CMSS1: variants seen among roughly 807,000 people sequenced by gnomAD.
The protein encoded by CMSS1 is cms1 ribosomal small subunit homolog.
CMSS1 carries 33 observed loss-of-function variants against 43.5 expected under a neutral mutation model. The ratio of observed to expected loss-of-function variants is 0.76; its 90% CI spans 0.57 to 1.01. The LOEUF (loss-of-function observed/expected upper bound fraction) is 1.01. CMSS1 is among the 50% of genes least tolerant of loss of function. The pLI is 0.00. For synonymous variants in CMSS1, 115 were observed against 117.2 expected (o/e 0.98, Z 0.12); for missense variants, 313 against 326.4 (o/e 0.96, Z 0.32).
Position 100,159,819 on chromosome 3 carries a change from G to A in CMSS1, c.154-611G>A, listed in dbSNP as rs2067007382. 8.8e-6 allele frequency: 4 copies of A among 453,294 alleles called. No homozygotes were observed. The Admixed American group carries it at 9.5e-5, about 11-fold the overall frequency. The allele number at this position is 453,294 out of a possible 1,614,324, so 28.1% of individuals were successfully genotyped here. A position where few individuals can be genotyped will look rare whatever the true frequency, so the allele number is the denominator to read the frequency against. Reference sequence around the variant, plus strand: ...GCAACAGGCAAAACAGATTACTCTAGATACTGTGGTGCTGAGACGGTTATC... The same window carrying A: ...GCAACAGGCAAAACAGATTACTCTAAATACTGTGGTGCTGAGACGGTTATC... On this transcript the variant is annotated intron_variant, in intron 2 of 9. Coordinates refer to ENST00000421999, the MANE Select transcript of CMSS1 (RefSeq NM_032359.4).
intron 1 of CMSS1, among the ~76,000 whole-genome samples, chr3:100,136,736 C>T (rs959669066): frequency 2.6e-5 from 4 of 152,276 alleles, no homozygotes; most frequent in Non-Finnish European, 4.4e-5. Context: ...TGAGAACAGG[C>T]ATTCTGAATA....
At chr3:99,824,068 G>T (rs937673962) in intron 1 of CMSS1, among the ~76,000 whole-genome samples, 1 of 151,840 alleles carries the variant, frequency 6.6e-6, no homozygotes, top group South Asian at 2.1e-4. Flanking sequence ...GATTACAGGC[G>T]CCTGCCACCA....
In CMSS1 at chr3:100,074,965, AT is replaced by A. The variant is rs2065826974; in HGVS notation, c.65-72006del. The stretch of plus-strand genomic sequence containing the variant: ...AGCCTTATCCTCCCAAAGTGCTGGG[AT>A]TACAGGCATGAGCCAACATGCCCGG... On this transcript the variant is annotated intron_variant, in intron 1 of 9. Coordinates refer to ENST00000421999, the MANE Select transcript of CMSS1 (RefSeq NM_032359.4). Among the ~76,000 whole-genome samples the A allele has an allele frequency of 7.2e-5, 11 of 152,084 alleles. 1 individual carries two copies. Among genetic ancestry groups the A allele is most frequent in the Admixed American group, 7.2e-4 (11 of 15,270 alleles).
intron 1 of CMSS1, among the ~76,000 whole-genome samples, chr3:100,006,941 G>GT (rs1254602095): frequency 1.3e-5 from 2 of 152,290 alleles, no homozygotes; most frequent in East Asian, 3.9e-4. Flanking sequence ...TTTAAAAAGT[G>GT]TTTTTGTTTG....
chr3:100,071,899 G>A (rs979749847), intron 1 of CMSS1, among the ~76,000 whole-genome samples: 1 of 152,132 alleles, frequency 6.6e-6, no homozygotes, highest in African/African-American at 2.4e-5. Context: ...TGTCTTCAGG[G>A]GGACTTTGCC....
At chr3:100,144,094 G>A (rs2066827101) in intron 1 of CMSS1, among the ~76,000 whole-genome samples, 2 of 152,102 alleles carry the variant, frequency 1.3e-5, no homozygotes, top group Admixed American at 6.5e-5. Context: ...GTTTAAATCT[G>A]TGTATACGTT....
intron 1 of CMSS1, among the ~76,000 whole-genome samples, chr3:100,080,022 A>G (rs1435593950): frequency 1.3e-5 from 2 of 152,230 alleles, no homozygotes; most frequent in African/African-American, 4.8e-5. Flanking sequence ...TCACCATATG[A>G]GAAATTAAAT....
At chr3:100,095,471 T>C (rs1193035034) in intron 1 of CMSS1, among the ~76,000 whole-genome samples, 2 of 152,072 alleles carry the variant, frequency 1.3e-5, no homozygotes, top group African/African-American at 4.8e-5. Context: ...AACAATATAC[T>C]ACAGTGAACT....
Position 100,179,228 on chromosome 3 carries a change from C to T in CMSS1, c.*840C>T, listed in dbSNP as rs1233144387. 1 of 152,150 alleles carries T rather than the reference C, an allele frequency of 6.6e-6. No homozygotes were observed. Among genetic ancestry groups the T allele is most frequent in the Non-Finnish European group, 1.5e-5 (1 of 68,036 alleles). The allele number at this position is 152,150 out of a possible 1,614,324, so 9.4% of individuals were successfully genotyped here. On this transcript the variant is annotated 3_prime_UTR_variant, in exon 10 of 10. Transcript: ENST00000421999. ...ACACAGAGCCAAACCATGTCAATTC[C>T]ACCCCGGCCTCTTCCAAATTTCATG...
intron 1 of CMSS1, among the ~76,000 whole-genome samples, chr3:99,906,519 T>C (rs1706623491): frequency 6.6e-6 from 1 of 152,256 alleles, no homozygotes; most frequent in African/African-American, 2.4e-5. Flanking sequence ...ACATAACTTA[T>C]TTATTTCAAT....
intron 4 of CMSS1, among the ~76,000 whole-genome samples, chr3:100,164,786 T>G (rs1347386493): frequency 6.6e-6 from 1 of 152,202 alleles, no homozygotes; most frequent in African/African-American, 2.4e-5. Flanking sequence ...ATAAGGTAGA[T>G]ATAAATAATA....
chr3:100,074,149 C>T (rs371219565), intron 1 of CMSS1, among the ~76,000 whole-genome samples: 6 of 152,086 alleles, frequency 3.9e-5, no homozygotes, highest in African/African-American at 7.2e-5. Context: ...AGAGCTGATA[C>T]GCTGTTGTCA....
At chr3:99,991,970 A>G (rs929716520) in intron 1 of CMSS1, among the ~76,000 whole-genome samples, 2 of 149,112 alleles carry the variant, frequency 1.3e-5, no homozygotes, top group Non-Finnish European at 3.0e-5. Flanking sequence ...GTGTATATAT[A>G]CACACATATA....
chr3:100,001,260 G>A (rs79848682), intron 1 of CMSS1, among the ~76,000 whole-genome samples: 2 of 152,116 alleles, frequency 1.3e-5, no homozygotes, highest in East Asian at 3.8e-4. Context: ...ATCTGTTTTT[G>A]TAAATAAAGT....
chr3:99,928,300 T>A (rs1280109003), intron 1 of CMSS1, among the ~76,000 whole-genome samples: 12 of 152,176 alleles, frequency 7.9e-5, no homozygotes, highest in Non-Finnish European at 1.0e-4. Context: ...AACTGGGTTG[T>A]GTACGTGGAG....
chr3:100,151,122 T>C (rs1311859446), intron 2 of CMSS1, among the ~76,000 whole-genome samples: 2 of 152,210 alleles, frequency 1.3e-5, no homozygotes, highest in Non-Finnish European at 2.9e-5. Flanking sequence ...TCATATTTCT[T>C]CCACTCTTCA....
At chr3:99,980,936 A>G (rs185747038) in intron 1 of CMSS1, among the ~76,000 whole-genome samples, 1 of 152,116 alleles carries the variant, frequency 6.6e-6, no homozygotes, top group South Asian at 2.1e-4. Flanking sequence ...CTATGTACCC[A>G]TGTTTGCTGG....
intron 2 of CMSS1, among the ~76,000 whole-genome samples, chr3:100,150,216 C>T (rs889234507): frequency 7.9e-5 from 12 of 152,194 alleles, no homozygotes; most frequent in South Asian, 6.2e-4. Flanking sequence ...CCAGCTGGTT[C>T]GTAAGTCCCT....
chr3:100,092,841 G>C (rs1049908657), intron 1 of CMSS1, among the ~76,000 whole-genome samples: 4 of 151,472 alleles, frequency 2.6e-5, no homozygotes, highest in Non-Finnish European at 4.4e-5. Context: ...TGGGATCATG[G>C]TTCCATTCTT....
Sources: gnomAD v4.1 joint callset for allele counts (sites outside exome capture counted in the v4.1 genomes callset) on GRCh38, gnomAD v4.1.1 for gene constraint, MANE v1.5 for transcripts, NCBI Gene and HGNC (gene_info 2026-07-23, HGNC 2026-07-21) for gene names.